THSD7A: variants seen among roughly 807,000 people sequenced by gnomAD.
The protein encoded by THSD7A is thrombospondin type-1 domain-containing protein 7A.
THSD7A carries 96 observed loss-of-function variants against 231.3 expected under a neutral mutation model. That is an observed-to-expected ratio of 0.41 (90% confidence interval 0.35 to 0.49). THSD7A has a LOEUF of 0.49. Among genes scored for constraint, THSD7A ranks in the 20% least tolerant of loss-of-function variants. The pLI is 0.05. For synonymous variants in THSD7A, 940 were observed against 743.3 expected (o/e 1.26, Z -4.30); for missense variants, 2,290 against 2,070.2 (o/e 1.11, Z -2.06).
At chr7:11,420,124 ATT>A (rs1267248293) in intron 16 of THSD7A, among the ~76,000 whole-genome samples, 1 of 152,200 alleles carries the variant, frequency 6.6e-6, no homozygotes, top group East Asian at 1.9e-4. Flanking sequence ...AGAAAAACCC[ATT>A]TTCTGGGAAG....
chr7:11,642,368 A>G lies in THSD7A; in HGVS notation c.191-5407T>C, dbSNP rs143654094. Among the ~76,000 whole-genome samples, 234 of 152,262 alleles carry G rather than the reference A, an allele frequency of 1.5e-3. 2 individuals carry two copies. The highest frequency in any genetic ancestry group is 5.2e-3 in the African/African-American group (218 of 41,572). ...TTAGAAGGAATTTGGAATCTGATTGAGCAAAATAAAGGACAGGCAGCTTTC... is the reference window on the plus strand; with the variant it reads ...TTAGAAGGAATTTGGAATCTGATTGGGCAAAATAAAGGACAGGCAGCTTTC... On this transcript the variant is annotated intron_variant, in intron 1 of 27. Coordinates refer to ENST00000423059, the MANE Select transcript of THSD7A (RefSeq NM_015204.3).
chr7:11,640,864 T>A (rs1250113239), intron 1 of THSD7A, among the ~76,000 whole-genome samples: 1 of 152,122 alleles, frequency 6.6e-6, no homozygotes, highest in African/African-American at 2.4e-5. Context: ...TTTCCCACTT[T>A]ATAAAAAATA....
At chr7:11,798,353 C>G (rs988382182) in intron 1 of THSD7A, among the ~76,000 whole-genome samples, 1 of 151,932 alleles carries the variant, frequency 6.6e-6, no homozygotes, top group African/African-American at 2.4e-5. Context: ...TGTCTGTAAT[C>G]CTAGATACTC....
At chr7:11,810,941 T>C (rs1784513394) in intron 1 of THSD7A, among the ~76,000 whole-genome samples, 1 of 152,208 alleles carries the variant, frequency 6.6e-6, no homozygotes, top group Non-Finnish European at 1.5e-5. Context: ...TAATTCAGCC[T>C]TCTGCCAACT....
At chr7:11,581,279 A>G (rs1373702368) in intron 4 of THSD7A, among the ~76,000 whole-genome samples, 2 of 151,978 alleles carry the variant, frequency 1.3e-5, no homozygotes, top group Non-Finnish European at 2.9e-5. Flanking sequence ...ATTATTCTTC[A>G]TATTGTTAGA....
chr7:11,630,222 A>G (rs896399294), intron 2 of THSD7A, among the ~76,000 whole-genome samples: 1 of 152,218 alleles, frequency 6.6e-6, no homozygotes, highest in Non-Finnish European at 1.5e-5. Flanking sequence ...AGAACCAGGC[A>G]AAAAGAGATA....
intron 2 of THSD7A, among the ~76,000 whole-genome samples, chr7:11,629,454 A>G (rs573538637): frequency 1.3e-5 from 2 of 152,272 alleles, no homozygotes; most frequent in South Asian, 2.1e-4. Context: ...CTTTGGATAT[A>G]ACAGAAAGTT....
At chr7:11,457,128 C>CT (rs992367526) in intron 11 of THSD7A, among the ~76,000 whole-genome samples, 10 of 151,858 alleles carry the variant, frequency 6.6e-5, no homozygotes, top group African/African-American at 2.4e-4. Context: ...GAGTTCTTAG[C>CT]TTTTTTATAA....
chr7:11,651,671 C>T (rs746552352), intron 1 of THSD7A, among the ~76,000 whole-genome samples: 3 of 151,880 alleles, frequency 2.0e-5, no homozygotes, highest in Non-Finnish European at 4.4e-5. Context: ...TTTTAAACCC[C>T]TTAGACCTAA....
intron 4 of THSD7A, among the ~76,000 whole-genome samples, chr7:11,557,261 C>T (rs1222240258): frequency 1.3e-5 from 2 of 151,964 alleles, no homozygotes; most frequent in African/African-American, 4.8e-5. Flanking sequence ...CTGTTAGACC[C>T]GTATACAGAG....
At chr7:11,438,677 G>T (rs1784709069) in intron 13 of THSD7A, among the ~76,000 whole-genome samples, 1 of 151,958 alleles carries the variant, frequency 6.6e-6, no homozygotes, top group African/African-American at 2.4e-5. Flanking sequence ...GAAGACAAAT[G>T]AACATAATTA....
At chr7:11,384,313 A>C (rs1458139736) in intron 23 of THSD7A, 1 of 151,688 alleles carries the variant, frequency 6.6e-6, no homozygotes, top group Non-Finnish European at 1.5e-5. Context: ...TCATAAGTAT[A>C]TTTTTCAAGT....
chr7:11,545,383 G>C (rs1789337838), intron 4 of THSD7A, among the ~76,000 whole-genome samples: 1 of 152,124 alleles, frequency 6.6e-6, no homozygotes, highest in Admixed American at 6.5e-5. Context: ...TATATATAAA[G>C]TTGAAAACTT....
At chr7:11,486,193 G>A (rs925546209) in intron 6 of THSD7A, among the ~76,000 whole-genome samples, 5 of 152,070 alleles carry the variant, frequency 3.3e-5, no homozygotes, top group African/African-American at 1.2e-4. Flanking sequence ...TACTCTTAAG[G>A]TCTTACAAGA....
In THSD7A at chr7:11,636,613, T is replaced by C. The variant is rs747378642; in HGVS notation, c.539A>G (p.Lys180Arg). 15 of 1,613,912 alleles carry C rather than the reference T, an allele frequency of 9.3e-6. No individual in the cohort carries two copies. The highest frequency in any genetic ancestry group is 8.3e-5 in the Admixed American group (5 of 60,008). Residue 180 changes from lysine (K) to arginine (R), a missense_variant, in exon 2 of 28, where the codon AAG becomes AGG. Lys to Arg is a conservative substitution (Grantham distance 26, BLOSUM62 2). Transcript: ENST00000423059. This position sits in a 1 kb window ranked among gnomAD's most constrained non-coding sequence, Gnocchi z 10.0. ...GAGGCAAGCCTGCTCCAGGAGAGGC[T>C]TGGGCTCAAAGTACTCACAGATGAT... ...EDIICEYFEPKPLLEQACLIP... is the reference protein window; with the variant it reads ...EDIICEYFEPRPLLEQACLIP...
At chr7:11,450,564 A>T (rs1268562264) in intron 11 of THSD7A, among the ~76,000 whole-genome samples, 1 of 152,076 alleles carries the variant, frequency 6.6e-6, no homozygotes, top group Admixed American at 6.6e-5. Flanking sequence ...GAACTTCCTG[A>T]TACTAGGGCG....
chr7:11,729,274 G>A (rs1236435344), intron 1 of THSD7A, among the ~76,000 whole-genome samples: 2 of 151,734 alleles, frequency 1.3e-5, no homozygotes, highest in Non-Finnish European at 2.9e-5. Flanking sequence ...AAAGATGTGT[G>A]GAGGAAGTTA....
intron 6 of THSD7A, among the ~76,000 whole-genome samples, chr7:11,501,014 T>TG (rs568272048): frequency 7.1e-6 from 1 of 141,792 alleles, no homozygotes; most frequent in Non-Finnish European, 1.6e-5. Context: ...CCAACAAAGA[T>TG]AAAAAAAAAA....
chr7:11,535,519 A>T (rs1378288343), intron 6 of THSD7A, among the ~76,000 whole-genome samples: 1 of 151,616 alleles, frequency 6.6e-6, no homozygotes. Context: ...CAGGAAACAA[A>T]CTCCTACCAA....
Sources: gnomAD v4.1 joint callset for allele counts (sites outside exome capture counted in the v4.1 genomes callset) on GRCh38, gnomAD v4.1.1 for gene constraint, Gnocchi (gnomAD v3.1) non-coding constraint, MANE v1.5 for transcripts, NCBI Gene and HGNC (gene_info 2026-07-23, HGNC 2026-07-21) for gene names.